The following RTN4 variants were observed in gnomAD, a reference collection of about 807,000 sequenced individuals.
RTN4 encodes reticulon-4.
In RTN4, 32 loss-of-function variants were observed where a neutral mutation model predicts 90.4. The ratio of observed to expected loss-of-function variants is 0.35; its 90% CI spans 0.27 to 0.48. The LOEUF is 0.48. Among genes scored for constraint, RTN4 ranks in the 20% least tolerant of loss-of-function variants. RTN4 has a pLI of 0.99. For synonymous variants in RTN4, 629 were observed against 552.5 expected, an observed-to-expected ratio of 1.14 and a Z score of -1.94; for missense variants, 1,706 against 1,430.2, an observed-to-expected ratio of 1.19 and a Z score of -3.11.
In RTN4 at chr2:55,025,267, A is replaced by G; in HGVS notation, c.2832T>C (p.Ala944=). 1 of 1,613,904 alleles carries G rather than the reference A, an allele frequency of 6.2e-7. No individual in the cohort carries two copies. The highest frequency in any genetic ancestry group is 8.5e-7 in the Non-Finnish European group (1 of 1,179,862). ...GAGGCAATAAGAGCACCTTTGATGTAGCAGACCCATTTTTAGAAAAGTCAT... is the reference window on the plus strand; with the variant it reads ...GAGGCAATAAGAGCACCTTTGATGTGGCAGACCCATTTTTAGAAAAGTCAT... ...FSDDFSKNGS[A]TSKVLLLPPD... is the part of the protein sequence containing the mutation. Residue 944 remains alanine (A), a synonymous_variant, in exon 3 of 9, where the codon GCT becomes GCC. Transcript: ENST00000337526.
Position 55,050,362 on chromosome 2 carries a change from C to G in RTN4, c.-62G>C. The G allele has an allele frequency of 8.5e-7, 1 of 1,176,916 alleles. No individual in the cohort carries two copies. The highest frequency in any genetic ancestry group is 1.1e-6 in the Non-Finnish European group (1 of 893,296). The allele number at this position is 1,176,916 out of a possible 1,614,324, so 72.9% of individuals were successfully genotyped here. ...CCGCCGCCGGGGCCGCGTCTCAGAG[C>G]CGCGGGCGGTTGTGGGGGTTGGGGA... On this transcript the variant is annotated 5_prime_UTR_variant, in exon 1 of 9. Transcript: ENST00000337526. This position sits in a 1 kb window ranked among gnomAD's most constrained non-coding sequence, Gnocchi z 4.6.
chr2:55,059,640 C>G (rs1391518312), intron 2 of RTN4, among the ~76,000 whole-genome samples: 1 of 151,946 alleles, frequency 6.6e-6, no homozygotes, highest in Non-Finnish European at 1.5e-5. Flanking sequence ...TCGAGACCAG[C>G]CTGGCCAACA....
intron 2 of RTN4, among the ~76,000 whole-genome samples, chr2:55,075,559 C>T (rs1668584935): frequency 6.6e-6 from 1 of 152,114 alleles, no homozygotes; most frequent in Non-Finnish European, 1.5e-5. Context: ...CAAAATACCA[C>T]CACCATTCTT....
At chr2:55,049,332 A>C (rs1667961500) in intron 1 of RTN4, 2 of 236,470 alleles carry the variant, frequency 8.5e-6, no homozygotes, top group Middle Eastern at 1.5e-3. Flanking sequence ...GGTAGACAAA[A>C]GCACCTCCTA....
At chr2:55,033,511 G>C (rs60825248) in intron 1 of RTN4, among the ~76,000 whole-genome samples, 7 of 152,164 alleles carry the variant, frequency 4.6e-5, no homozygotes, top group African/African-American at 1.7e-4. Context: ...GATGGAACAA[G>C]GTAACCCTAC....
At chr2:55,029,909 T>A (rs1002316565) in intron 1 of RTN4, among the ~76,000 whole-genome samples, 7 of 152,196 alleles carry the variant, frequency 4.6e-5, no homozygotes, top group Non-Finnish European at 8.8e-5. Context: ...CAGTTTCTCA[T>A]TTGTAAAATG....
chr2:55,031,395 G>C (rs933155793), intron 1 of RTN4, among the ~76,000 whole-genome samples: 1 of 152,178 alleles, frequency 6.6e-6, no homozygotes, highest in Non-Finnish European at 1.5e-5. Context: ...TCTGGAATTT[G>C]TGAGACAGGG....
chr2:55,047,078 A>C (rs1479389934), intron 1 of RTN4, among the ~76,000 whole-genome samples: 1 of 152,126 alleles, frequency 6.6e-6, no homozygotes, highest in Non-Finnish European at 1.5e-5. Context: ...TGTAATCCCA[A>C]CACTTTGGGA....
chr2:55,109,846 T>C (rs1295932454), intron 1 of RTN4, among the ~76,000 whole-genome samples: 2 of 151,822 alleles, frequency 1.3e-5, no homozygotes, highest in Admixed American at 6.6e-5. Context: ...AAAAGAGGAG[T>C]CTGAGGGAGC....
At chr2:55,081,006 G>A (rs1668703017) in intron 1 of RTN4, among the ~76,000 whole-genome samples, 1 of 152,094 alleles carries the variant, frequency 6.6e-6, no homozygotes, top group African/African-American at 2.4e-5. Flanking sequence ...CTCTCAAAAG[G>A]TACACTGTAT....
At chr2:55,135,038 G>A in the RTN4 span, among the ~76,000 whole-genome samples, 2 of 152,250 alleles carry the variant, frequency 1.3e-5, no homozygotes, top group South Asian at 4.1e-4. Context: ...GGCCAAGGGG[G>A]AAGGATCACT....
At chr2:55,024,726 A>G (rs1681689193) in intron 3 of RTN4, among the ~76,000 whole-genome samples, 1 of 152,132 alleles carries the variant, frequency 6.6e-6, no homozygotes, top group Non-Finnish European at 1.5e-5. Context: ...GGGATAACAA[A>G]AACACATCTG....
chr2:55,084,841 A>G (rs1054963092), intron 1 of RTN4, among the ~76,000 whole-genome samples: 6 of 151,886 alleles, frequency 4.0e-5, no homozygotes, highest in Non-Finnish European at 5.9e-5. Context: ...CTGGAGTGCA[A>G]TGGCGCAATC....
At chr2:54,993,348 G>C (rs1005685801) in intron 3 of RTN4, among the ~76,000 whole-genome samples, 3 of 152,038 alleles carry the variant, frequency 2.0e-5, no homozygotes, top group African/African-American at 7.2e-5. Context: ...TTTCCTATTG[G>C]AAAAAGAACA....
At chr2:55,017,020 C>G (rs1052571966) in intron 3 of RTN4, among the ~76,000 whole-genome samples, 1 of 152,046 alleles carries the variant, frequency 6.6e-6, no homozygotes, top group Non-Finnish European at 1.5e-5. Flanking sequence ...CTAAATAAAT[C>G]CTCACTAATT....
At chr2:55,040,594 TTC>T (rs1485538291) in intron 1 of RTN4, among the ~76,000 whole-genome samples, 1 of 152,170 alleles carries the variant, frequency 6.6e-6, no homozygotes, top group Non-Finnish European at 1.5e-5. Context: ...TTAAGTAAGC[TTC>T]TCTCTTTCCA....
At chr2:55,059,862 G>C (rs1019268754) in intron 2 of RTN4, among the ~76,000 whole-genome samples, 2 of 152,030 alleles carry the variant, frequency 1.3e-5, no homozygotes, top group Non-Finnish European at 1.5e-5. Flanking sequence ...AAGAGAGAGA[G>C]AGATGGGGTT....
At chr2:55,006,178 G>T (rs997057376) in intron 3 of RTN4, among the ~76,000 whole-genome samples, 6 of 152,130 alleles carry the variant, frequency 3.9e-5, no homozygotes, top group African/African-American at 1.4e-4. Flanking sequence ...TCTATGCGAT[G>T]TGAGTTTTAC....
chr2:55,067,973 A>C (rs2105012705), intron 2 of RTN4, among the ~76,000 whole-genome samples: 1 of 152,326 alleles, frequency 6.6e-6, no homozygotes, highest in Middle Eastern at 3.4e-3. Flanking sequence ...CATTTTTGCA[A>C]ATTTCCTTAA....
Sources: allele counts gnomAD v4.1 joint callset (sites outside exome capture counted in the v4.1 genomes callset), GRCh38; gene constraint gnomAD v4.1.1; non-coding constraint Gnocchi (gnomAD v3.1); transcripts MANE v1.5; gene names NCBI Gene and HGNC (gene_info 2026-07-23, HGNC 2026-07-21).